RABGAP1: variants seen among roughly 807,000 people sequenced by gnomAD.
RABGAP1 encodes RAB GTPase activating protein 1, also known as rab GTPase-activating protein 1.
Under a neutral mutation model 137.6 loss-of-function variants are expected in RABGAP1, and 23 were observed. The observed-to-expected ratio is 0.17, with a 90% confidence interval of 0.12 to 0.24. The LOEUF (loss-of-function observed/expected upper bound fraction) is 0.24, where lower values mean the gene tolerates loss of function less well. Ranked by LOEUF, RABGAP1 falls within the 10% of genes least tolerant of loss-of-function variation. The pLI is 1.00. For missense variants in RABGAP1, 906 were observed against 1,275.8 expected, an observed-to-expected ratio of 0.71 and a Z score of 4.42; for synonymous variants, 451 against 450.7, an observed-to-expected ratio of 1.00 and a Z score of -0.01.
At chr9:123,090,026 G>C (rs898111853) in intron 20 of RABGAP1, among the ~76,000 whole-genome samples, 176 bp downstream of exon 20, 2 of 152,220 alleles carry the variant, frequency 1.3e-5, no homozygotes, top group African/African-American at 4.8e-5. Flanking sequence ...TGCCTGGTTT[G>C]TTACAGTTCA....
intron 2 of RABGAP1, among the ~76,000 whole-genome samples, chr9:122,980,125 G>T (rs765618436): frequency 6.6e-6 from 1 of 152,212 alleles, no homozygotes; most frequent in Non-Finnish European, 1.5e-5. Context: ...GTTTATGGCT[G>T]CTTTCATGCT....
rs1442896757 is a variant in RABGAP1, at chr9:122,956,049, T to G, written c.-49-962T>G. Among the ~76,000 whole-genome samples, 4 of 152,348 alleles carry G rather than the reference T, an allele frequency of 2.6e-5. No individual in the cohort carries two copies. The East Asian group carries it at 7.7e-4, about 29-fold the overall frequency. ...TTCATTCCAAGACTCAATAAATAAT[T>G]GAATGAATTTTCATAAGTGACACAT... On this transcript the variant is annotated intron_variant, in intron 1 of 25. Coordinates refer to ENST00000373647, the MANE Select transcript of RABGAP1 (RefSeq NM_012197.4).
At chr9:122,991,246 T>C (rs1273682701) in intron 6 of RABGAP1, among the ~76,000 whole-genome samples, 1 of 152,094 alleles carries the variant, frequency 6.6e-6, no homozygotes, top group Non-Finnish European at 1.5e-5. Flanking sequence ...TTTAAAATTT[T>C]ATGGTTGCAA....
At chr9:123,025,902 A>G (rs905012672) in intron 13 of RABGAP1, among the ~76,000 whole-genome samples, 13 of 152,030 alleles carry the variant, frequency 8.6e-5, no homozygotes, top group Non-Finnish European at 1.6e-4. Context: ...TTATAGAAGC[A>G]TTAAGACAAT....
intron 13 of RABGAP1, among the ~76,000 whole-genome samples, chr9:123,047,003 C>G (rs560996549): frequency 1.7e-4 from 26 of 152,314 alleles, no homozygotes; most frequent in Non-Finnish European, 4.4e-5. Context: ...GGTATTAAAC[C>G]TCCTTTAGAC....
chr9:123,063,134 C>T (rs1406349788), intron 13 of RABGAP1: 2 of 152,336 alleles, frequency 1.3e-5, no homozygotes, highest in Non-Finnish European at 2.9e-5. Context: ...AGGTTGTCAT[C>T]TCCGTAATCA....
intron 13 of RABGAP1, among the ~76,000 whole-genome samples, chr9:123,024,208 G>T (rs899375460): frequency 3.3e-5 from 5 of 152,148 alleles, no homozygotes; most frequent in African/African-American, 1.2e-4. Context: ...TTAAATTTCA[G>T]TAGGGATCCA....
chr9:122,998,745 T>C lies in RABGAP1; in HGVS notation c.1353T>C (p.Asn451=), dbSNP rs529356055. ...WPFSKRSTTE[N]FFLKLKQIKQ... ...TCAGCAAACGTAGTACTACTGAAAA[T>C]TTCTTTTTGAAACTAAAACAGGTAC... Residue 451 remains asparagine (N), a synonymous_variant, in exon 10 of 26, where the codon AAT becomes AAC. Transcript: ENST00000373647. 17 of 1,599,874 alleles carry C rather than the reference T, an allele frequency of 1.1e-5. No individual in the cohort carries two copies. The African/African-American group carries it at 2.0e-4, about 19-fold the overall frequency.
At chr9:122,952,043 CTG>C (rs1327189320) in intron 1 of RABGAP1, among the ~76,000 whole-genome samples, 18 of 152,180 alleles carry the variant, frequency 1.2e-4, no homozygotes, top group Non-Finnish European at 1.5e-4. Flanking sequence ...TTTAATGTCT[CTG>C]TAAGAATAAA....
chr9:122,963,238 G>A lies in RABGAP1; in HGVS notation c.150+6029G>A, dbSNP rs140466841. 5.3e-5 allele frequency among the ~76,000 whole-genome samples: 8 copies of A among 152,092 alleles called. No homozygotes were observed. The East Asian group carries it at 1.4e-3, about 26-fold the overall frequency. On this transcript the variant is annotated intron_variant, in intron 2 of 25. Coordinates refer to ENST00000373647, the MANE Select transcript of RABGAP1 (RefSeq NM_012197.4). ...AGACTGGGCAACATAGCAAGTCCCC[G>A]TCTCATTTAAAAAAAAATTATTGAA...
chr9:122,938,595 T>C (rs1468505934), upstream of RABGAP1: 2 of 152,222 alleles, frequency 1.3e-5, no homozygotes, highest in South Asian at 2.1e-4. Context: ...AAAAACAACA[T>C]GTATGTCATC....
intron 19 of RABGAP1, among the ~76,000 whole-genome samples, chr9:123,081,475 C>T (rs943393420): frequency 1.3e-5 from 2 of 152,200 alleles, no homozygotes; most frequent in Non-Finnish European, 2.9e-5. Context: ...CTTGCTCTGT[C>T]ACCCTGGCTG....
intron 13 of RABGAP1, among the ~76,000 whole-genome samples, chr9:123,025,940 C>T (rs1177672079): frequency 6.6e-6 from 1 of 151,668 alleles, no homozygotes; most frequent in Non-Finnish European, 1.5e-5. Flanking sequence ...ATAACTAGCA[C>T]CCCCATCTAA....
rs1437171088 is a variant in RABGAP1 at position 123,089,740 on chromosome 9, C to G, written c.2425-18C>G. ...ACTTTCTAATACTTCTTAATTTACC[C>G]TATGATTTATCCTACAGATTAGTCA... On this transcript the variant is annotated intron_variant, in intron 19 of 25. Transcript: ENST00000373647. 6 of 1,593,964 alleles carry G rather than the reference C, an allele frequency of 3.8e-6. No homozygotes were observed. The highest frequency in any genetic ancestry group is 5.2e-6 in the Non-Finnish European group (6 of 1,164,670).
At chr9:122,972,202 G>C (rs542013188) in intron 2 of RABGAP1, among the ~76,000 whole-genome samples, 2 of 152,272 alleles carry the variant, frequency 1.3e-5, no homozygotes, top group African/African-American at 2.4e-5. Flanking sequence ...GCTGAGGCAG[G>C]AGGATCACTG....
chr9:122,986,069 T>A, intron 3 of RABGAP1, 146 bp from the exon 4 acceptor site: 1 of 698,870 alleles, frequency 1.4e-6, no homozygotes, highest in South Asian at 2.1e-5. Flanking sequence ...CTGGTTTTCA[T>A]GGGCATTTCT....
chr9:122,963,246 T>TA (rs1014332802), intron 2 of RABGAP1, among the ~76,000 whole-genome samples: 2 of 151,612 alleles, frequency 1.3e-5, no homozygotes, highest in East Asian at 1.9e-4. Context: ...CCGTCTCATT[T>TA]AAAAAAAAAT....
intron 13 of RABGAP1, among the ~76,000 whole-genome samples, chr9:123,044,026 G>A (rs922198303): frequency 4.7e-5 from 7 of 149,648 alleles, no homozygotes; most frequent in Non-Finnish European, 4.4e-5. Flanking sequence ...TCAGCCTCCC[G>A]AGTAGCTGGG....
At chr9:122,940,443 G>T (rs1833484142), upstream of RABGAP1, 1 of 152,160 alleles carries the variant, frequency 6.6e-6, no homozygotes, top group South Asian at 2.1e-4. Flanking sequence ...TTCTAGACTG[G>T]ATTCTGTAAC....
Sources: allele counts gnomAD v4.1 joint callset (sites outside exome capture counted in the v4.1 genomes callset), GRCh38; gene constraint gnomAD v4.1.1; transcripts MANE v1.5; gene names NCBI Gene and HGNC (gene_info 2026-07-23, HGNC 2026-07-21).